COPS7B: variants seen among roughly 807,000 people sequenced by gnomAD.
COPS7B encodes the protein COP9 signalosome complex subunit 7b.
COPS7B carries 9 observed loss-of-function variants against 33.4 expected under a neutral mutation model. That is an observed-to-expected ratio of 0.27 (90% CI 0.16 to 0.47). The LOEUF is 0.47. Ranked by LOEUF, COPS7B falls within the 20% of genes least tolerant of loss-of-function variation. The pLI is 0.99. For missense variants in COPS7B, 242 were observed against 318.2 expected, an observed-to-expected ratio of 0.76 and a Z score of 1.82; for synonymous variants, 119 against 126.3, an observed-to-expected ratio of 0.94 and a Z score of 0.39.
intron 6 of COPS7B, among the ~76,000 whole-genome samples, chr2:231,804,126 A>G (rs2106344087): frequency 6.6e-6 from 1 of 152,360 alleles, no homozygotes; most frequent in East Asian, 1.9e-4. Flanking sequence ...AAGCGGATTG[A>G]AAATATAACC....
intron 6 of COPS7B, 146 bp from the exon 7 acceptor site, chr2:231,807,341 C>T (rs1466102989): frequency 1.1e-5 from 8 of 742,388 alleles, no homozygotes; most frequent in African/African-American, 1.8e-5. Flanking sequence ...AGCCCAGGCT[C>T]GTTTCTGCTC....
intron 6 of COPS7B, chr2:231,801,395 C>A: frequency 1.4e-6 from 1 of 697,570 alleles, no homozygotes; most frequent in Non-Finnish European, 1.8e-6. Flanking sequence ...GGAGGTAATA[C>A]TTAGAGCATT....
intron 3 of COPS7B, chr2:231,792,147 A>G (rs1407804141): frequency 4.1e-6 from 2 of 489,302 alleles, no homozygotes; most frequent in Non-Finnish European, 8.2e-6. Context: ...TTTAAATATT[A>G]TCAAAATAAT....
At chr2:231,788,201 A>G (rs1245507878) in intron 1 of COPS7B, among the ~76,000 whole-genome samples, 1 of 149,964 alleles carries the variant, frequency 6.7e-6, no homozygotes, top group Non-Finnish European at 1.5e-5. Flanking sequence ...CAGTGGCACA[A>G]TCTTGGCTCA....
At chr2:231,792,687 A>T (rs149708580) in intron 3 of COPS7B, among the ~76,000 whole-genome samples, 32 of 152,228 alleles carry the variant, frequency 2.1e-4, no homozygotes, top group African/African-American at 7.5e-4. Context: ...AATATTTCAT[A>T]ATCTACTTAG....
chr2:231,803,020 A>T (rs1160917120), intron 6 of COPS7B, among the ~76,000 whole-genome samples: 1 of 152,194 alleles, frequency 6.6e-6, no homozygotes, highest in Admixed American at 6.5e-5. Flanking sequence ...CCTCTGCAGG[A>T]TGTTTACATT....
At chr2:231,799,682 T>C (rs1438426179) in intron 6 of COPS7B, among the ~76,000 whole-genome samples, 1 of 152,232 alleles carries the variant, frequency 6.6e-6, no homozygotes, top group Non-Finnish European at 1.5e-5. Context: ...TTTGGAGCCC[T>C]GCACTGATTT....
chr2:231,793,041 C>T (rs1304220172), intron 3 of COPS7B, among the ~76,000 whole-genome samples: 1 of 152,162 alleles, frequency 6.6e-6, no homozygotes, highest in African/African-American at 2.4e-5. Flanking sequence ...ATTGCACAGA[C>T]TCTGTTAGCA....
At chr2:231,801,805 T>C (rs2049756542) in intron 6 of COPS7B, among the ~76,000 whole-genome samples, 1 of 151,882 alleles carries the variant, frequency 6.6e-6, no homozygotes, top group Non-Finnish European at 1.5e-5. Flanking sequence ...GGAAATTCAC[T>C]CTGTTGCCTA....
At chr2:231,782,659 G>C (rs2049157519), upstream of COPS7B, among the ~76,000 whole-genome samples, 1 of 152,134 alleles carries the variant, frequency 6.6e-6, no homozygotes, top group South Asian at 2.1e-4. Context: ...CATATATTTA[G>C]GGAAATAAGG....
At chr2:231,785,970 T>A (rs777299390), upstream of COPS7B, 3 of 152,258 alleles carry the variant, frequency 2.0e-5, no homozygotes, top group Non-Finnish European at 4.4e-5. Context: ...ACTTTCTGAC[T>A]TTTGGACTTA....
Position 231,798,977 on chromosome 2 carries a change from A to AG in COPS7B, c.636+15dup. On this transcript the variant is annotated intron_variant, in intron 6 of 6. Coordinates refer to ENST00000350033, the MANE Select transcript of COPS7B (RefSeq NM_022730.4). ...GGTAGAAGCAGAGGTAAGGAAGGAA[A>AG]GGAACATTTGTTTCTCTCTCCAGGC... The AG allele has an allele frequency of 6.2e-7, 1 of 1,606,882 alleles. No individual in the cohort carries two copies. The highest frequency in any genetic ancestry group is 8.5e-7 in the Non-Finnish European group (1 of 1,173,698).
At chr2:231,793,535 G>A (rs1010133065) in intron 3 of COPS7B, 11 of 152,230 alleles carry the variant, frequency 7.2e-5, no homozygotes, top group Non-Finnish European at 1.5e-4. Context: ...TGCAGCTGCT[G>A]CCCTTGCTGT....
intron 1 of COPS7B, among the ~76,000 whole-genome samples, chr2:231,787,904 G>T (rs2049297225): frequency 6.6e-6 from 1 of 152,164 alleles, no homozygotes. Flanking sequence ...TAACCAGAAT[G>T]TATAAACGAG....
chr2:231,797,658 A>G (rs956696039), intron 5 of COPS7B, among the ~76,000 whole-genome samples: 4 of 152,224 alleles, frequency 2.6e-5, no homozygotes, highest in Non-Finnish European at 4.4e-5. Context: ...CACTGGAGGT[A>G]GATTGAAACA....
At chr2:231,804,612 A>T (rs1476624500) in intron 6 of COPS7B, among the ~76,000 whole-genome samples, 1 of 152,248 alleles carries the variant, frequency 6.6e-6, no homozygotes, top group East Asian at 1.9e-4. Context: ...AATAGTGCTT[A>T]TCAGACAAGA....
chr2:231,781,712 C>T, upstream of COPS7B: 1 of 834,348 alleles, frequency 1.2e-6, no homozygotes, highest in Non-Finnish European at 2.0e-6. Context: ...AACTTAGACT[C>T]CAGTGTGCCG....
upstream of COPS7B, among the ~76,000 whole-genome samples, chr2:231,782,435 GGTAAAATTACA>G (rs1034937570): frequency 1.3e-5 from 2 of 152,252 alleles, no homozygotes; most frequent in Admixed American, 1.3e-4. Flanking sequence ...TCAGGAAGTA[GGTAAAATTACA>G]GTGTGAGCCA....
intron 6 of COPS7B, among the ~76,000 whole-genome samples, chr2:231,802,093 G>A (rs1181600175): frequency 1.3e-5 from 2 of 152,082 alleles, no homozygotes; most frequent in Non-Finnish European, 2.9e-5. Flanking sequence ...CTTTATATTT[G>A]GATGTGCCTA....
Sources: gnomAD v4.1 joint callset for allele counts (sites outside exome capture counted in the v4.1 genomes callset) on GRCh38, gnomAD v4.1.1 for gene constraint, MANE v1.5 for transcripts, NCBI Gene and HGNC (gene_info 2026-07-23, HGNC 2026-07-21) for gene names.